Variants in LRBA observed in about 807,000 individuals in gnomAD.
The protein encoded by LRBA is LPS responsive beige-like anchor protein.
LRBA carries 176 observed loss-of-function variants against 330.0 expected under a neutral mutation model. That is an observed-to-expected ratio of 0.53 (90% CI 0.47 to 0.60). The LOEUF (loss-of-function observed/expected upper bound fraction) is 0.60, where lower values mean the gene tolerates loss of function less well. Among genes scored for constraint, LRBA ranks in the 20% least tolerant of loss-of-function variants. The probability of loss-of-function intolerance (pLI) is 0.00; values close to 1 mark genes in which losing one functional copy is unlikely to be tolerated. For synonymous variants in LRBA, 1,230 were observed against 1,193.0 expected (o/e 1.03, Z -0.64); for missense variants, 3,259 against 3,444.8 (o/e 0.95, Z 1.35).
intron 36 of LRBA, among the ~76,000 whole-genome samples, chr4:150,716,928 A>G (rs948896165): frequency 6.6e-6 from 1 of 152,218 alleles, no homozygotes; most frequent in South Asian, 2.1e-4. Flanking sequence ...TTGTTCTGTG[A>G]TCAAAGCTAA....
chr4:150,557,343 G>C (rs1009062533), intron 40 of LRBA, among the ~76,000 whole-genome samples: 2 of 152,060 alleles, frequency 1.3e-5, no homozygotes, highest in African/African-American at 4.8e-5. Context: ...ATAAAGTTAA[G>C]GCATAATGTC....
At chr4:151,014,258 C>A in intron 2 of LRBA, 169 bp downstream of exon 2, 1 of 580,128 alleles carries the variant, frequency 1.7e-6, no homozygotes, top group Non-Finnish European at 3.1e-6. Flanking sequence ...CAATTCCCTT[C>A]AATCTAAAAA....
At chr4:150,429,388 G>T (rs955334009) in intron 46 of LRBA, among the ~76,000 whole-genome samples, 9 of 151,994 alleles carry the variant, frequency 5.9e-5, no homozygotes, top group Non-Finnish European at 1.0e-4. Context: ...GAGTGAACGG[G>T]GTGGCAAACA....
intron 40 of LRBA, among the ~76,000 whole-genome samples, chr4:150,554,344 T>C (rs185862717): frequency 1.3e-5 from 2 of 152,298 alleles, no homozygotes; most frequent in Admixed American, 1.3e-4. Flanking sequence ...ACATGTTGGA[T>C]ACTGCGCTGG....
intron 36 of LRBA, among the ~76,000 whole-genome samples, chr4:150,704,205 C>T (rs766055879): frequency 2.6e-5 from 4 of 151,932 alleles, no homozygotes; most frequent in Admixed American, 1.3e-4. Context: ...CAGAGCCAGA[C>T]GCCGACTCAA....
chr4:150,346,757 C>CCAAAA (rs1206950764), intron 48 of LRBA, among the ~76,000 whole-genome samples: 3 of 66,134 alleles, frequency 4.5e-5, no homozygotes, highest in Admixed American at 2.2e-4. Flanking sequence ...GACTCTGTCT[C>CCAAAA]AAAAAAAAAA....
intron 48 of LRBA, among the ~76,000 whole-genome samples, chr4:150,338,798 C>T (rs1735077660): frequency 6.6e-6 from 1 of 152,068 alleles, no homozygotes; most frequent in Non-Finnish European, 1.5e-5. Flanking sequence ...CAAAGAGGAA[C>T]TTATAGCTAG....
At chr4:150,643,104 A>G (rs774668409) in intron 37 of LRBA, among the ~76,000 whole-genome samples, 5 of 151,918 alleles carry the variant, frequency 3.3e-5, no homozygotes, top group Non-Finnish European at 2.9e-5. Context: ...AAAGATTTCA[A>G]ATAACAACTT....
At chr4:150,422,669 C>A in intron 46 of LRBA, 1 of 671,326 alleles carries the variant, frequency 1.5e-6, no homozygotes, top group Non-Finnish European at 2.7e-6. Context: ...ACTGCTCCGG[C>A]TCCTCTAACA....
chr4:150,545,407 A>C (rs1765747792), intron 40 of LRBA, among the ~76,000 whole-genome samples: 2 of 152,182 alleles, frequency 1.3e-5, no homozygotes, highest in South Asian at 4.1e-4. Flanking sequence ...GTGATATCTG[A>C]AACCTATCAG....
chr4:150,841,024 T>C (rs1438782952), intron 28 of LRBA: 6 of 1,255,802 alleles, frequency 4.8e-6, no homozygotes, highest in African/African-American at 1.5e-5. Flanking sequence ...CTATGATATT[T>C]TGCAGGTTCA....
At chr4:150,594,086 T>C (rs1486697528) in intron 38 of LRBA, among the ~76,000 whole-genome samples, 1 of 152,134 alleles carries the variant, frequency 6.6e-6, no homozygotes, top group Non-Finnish European at 1.5e-5. Context: ...TTTATTTATT[T>C]ACTTATTTTT....
intron 47 of LRBA, among the ~76,000 whole-genome samples, chr4:150,378,585 C>T (rs546747991): frequency 4.2e-4 from 64 of 152,236 alleles, no homozygotes; most frequent in African/African-American, 1.1e-3. Context: ...GGAAACAGCA[C>T]GAGCAACTCA....
At chr4:150,685,165 A>G (rs1783423083) in intron 36 of LRBA, among the ~76,000 whole-genome samples, 1 of 151,624 alleles carries the variant, frequency 6.6e-6, no homozygotes, top group Non-Finnish European at 1.5e-5. Flanking sequence ...TGAAAATTGT[A>G]GAAAAACAGA....
At position 150,954,010 on chromosome 4, in the gene LRBA, C is replaced by T. The variant is rs1394017026; in HGVS notation, c.217-24945G>A. Among the ~76,000 whole-genome samples the T allele has an allele frequency of 4.0e-3, 459 of 115,078 alleles. 13 individuals carry two copies. The highest frequency in any genetic ancestry group is 1.1e-3 in the Non-Finnish European group (60 of 54,604). 75.5% of individuals were successfully genotyped at this position (115,078 alleles called of 152,430 possible). On this transcript the variant is annotated intron_variant, in intron 2 of 56. Coordinates refer to ENST00000651943, the MANE Select transcript of LRBA (RefSeq NM_001364905.1). ...GAGGTAAGGAGCGTCTCTGACCGGC[C>T]ACCCCGTCTGAGAAGTGAGGAGCCT... is the stretch of plus-strand genomic sequence containing the variant.
chr4:150,411,744 G>A (rs1202317437), intron 47 of LRBA, among the ~76,000 whole-genome samples: 3 of 152,104 alleles, frequency 2.0e-5, no homozygotes, highest in African/African-American at 2.4e-5. Flanking sequence ...GCTGCCTGAC[G>A]GGCTGCAGGA....
At chr4:150,766,763 C>A (rs1735816816) in intron 34 of LRBA, among the ~76,000 whole-genome samples, 1 of 152,114 alleles carries the variant, frequency 6.6e-6, no homozygotes. Context: ...CCCAGAGGTA[C>A]TGATGAAAAA....
chr4:150,438,572 A>T (rs1751433498), intron 44 of LRBA, among the ~76,000 whole-genome samples: 1 of 152,200 alleles, frequency 6.6e-6, no homozygotes, highest in African/African-American at 2.4e-5. Context: ...ATGAACACCT[A>T]TTAGTTAATC....
At chr4:150,294,916 A>T (rs892281220) in intron 53 of LRBA, among the ~76,000 whole-genome samples, 1 of 151,808 alleles carries the variant, frequency 6.6e-6, no homozygotes, top group Non-Finnish European at 1.5e-5. Flanking sequence ...CCACCACTGC[A>T]CTCCAGCCTG....
Sources: gnomAD v4.1 joint callset for allele counts (sites outside exome capture counted in the v4.1 genomes callset) on GRCh38, gnomAD v4.1.1 for gene constraint, MANE v1.5 for transcripts, NCBI Gene and HGNC (gene_info 2026-07-23, HGNC 2026-07-21) for gene names.